MACROH2A2: variants seen among roughly 807,000 people sequenced by gnomAD.
MACROH2A2 encodes the protein macroH2A.2 histone.
A neutral mutation model predicts 37.6 loss-of-function variants in MACROH2A2; 6 were observed. That is an observed-to-expected ratio of 0.16 (90% CI 0.09 to 0.32). The LOEUF (loss-of-function observed/expected upper bound fraction) is 0.32, where lower values mean the gene tolerates loss of function less well. Ranked by LOEUF, MACROH2A2 falls within the 10% of genes least tolerant of loss-of-function variation. The pLI is 1.00. For synonymous variants in MACROH2A2, 192 were observed against 202.7 expected (o/e 0.95, Z 0.45); for missense variants, 290 against 485.9 (o/e 0.60, Z 3.79).
At chr10:70,085,184 GGATGGA>G (rs910158939) in intron 2 of MACROH2A2, among the ~76,000 whole-genome samples, 83 of 152,156 alleles carry the variant, frequency 5.5e-4, no homozygotes, top group Non-Finnish European at 1.8e-4. Context: ...AGCCATGTGT[GGATGGA>G]GATACCAGTT....
chr10:70,104,631 C>T (rs539256386), intron 7 of MACROH2A2, among the ~76,000 whole-genome samples: 5 of 152,258 alleles, frequency 3.3e-5, no homozygotes, highest in South Asian at 4.2e-4. Context: ...GCCGAGATCA[C>T]GCTATTGCAC....
At chr10:70,069,148 A>G (rs1306247228) in intron 1 of MACROH2A2, among the ~76,000 whole-genome samples, 1 of 152,202 alleles carries the variant, frequency 6.6e-6, no homozygotes, top group Non-Finnish European at 1.5e-5. Flanking sequence ...ACCCGGTGTT[A>G]TATATAAAAT....
chr10:70,097,831 A>C (rs2072283987), intron 6 of MACROH2A2, among the ~76,000 whole-genome samples: 1 of 152,218 alleles, frequency 6.6e-6, no homozygotes, highest in South Asian at 2.1e-4. Flanking sequence ...TGTTTAAGCC[A>C]GGCACAGTGG....
Position 70,091,834 on chromosome 10 carries a change from G to A in MACROH2A2, c.357G>A (p.Gly119=). ...IHPELLAKKR[G]TKGKSETILS... is the part of the protein sequence containing the mutation. ...CCGAACTGCTGGCCAAAAAGCGAGGGACCAAAGGCAAGTCGGAAACGATCC... is the reference window on the plus strand; with the variant it reads ...CCGAACTGCTGGCCAAAAAGCGAGGAACCAAAGGCAAGTCGGAAACGATCC... Residue 119 remains glycine, a synonymous_variant, in exon 4 of 9, where the codon GGG becomes GGA. Transcript: ENST00000373255. The A allele has an allele frequency of 1.9e-6, 3 of 1,614,086 alleles. No homozygotes were observed. The highest frequency in any genetic ancestry group is 2.5e-6 in the Non-Finnish European group (3 of 1,180,000).
In MACROH2A2 at chr10:70,091,842, G is replaced by C. The variant is rs766864817; in HGVS notation, c.365G>C (p.Gly122Ala). 2.5e-6 allele frequency: 4 copies of C among 1,614,090 alleles called. No individual in the cohort carries two copies. The highest frequency in any genetic ancestry group is 3.4e-6 in the Non-Finnish European group (4 of 1,179,996). The change falls in exon 4 of 9, where the codon GGC (glycine) becomes GCC (alanine). Residue 122 changes from glycine (G) to alanine (A), a missense_variant. Coordinates refer to ENST00000373255, the MANE Select transcript of MACROH2A2 (RefSeq NM_018649.3). ...CTGGCCAAAAAGCGAGGGACCAAAG[G>C]CAAGTCGGAAACGATCCTCTCCCCA... ...ELLAKKRGTK[G>A]KSETILSPPP...
At position 70,111,704 on chromosome 10, in the gene MACROH2A2, G is replaced by T; in HGVS notation, c.*21G>T. ...AGTAGCCGCCGCACTTTCCAGCAGGGATCGGAGGACGACCCGAGTCCCAAG... is the reference window on the plus strand; with the variant it reads ...AGTAGCCGCCGCACTTTCCAGCAGGTATCGGAGGACGACCCGAGTCCCAAG... On this transcript the variant is annotated 3_prime_UTR_variant, in exon 9 of 9. Coordinates refer to ENST00000373255, the MANE Select transcript of MACROH2A2 (RefSeq NM_018649.3). 2.5e-6 allele frequency: 4 copies of T among 1,568,988 alleles called. No individual in the cohort carries two copies. In the South Asian group the frequency reaches 4.6e-5, roughly 18 times the overall value.
rs1280741264 is a variant in MACROH2A2 at position 70,109,230 on chromosome 10, T to C, written c.953+23T>C. 5 of 1,602,498 alleles carry C rather than the reference T, an allele frequency of 3.1e-6. No individual in the cohort carries two copies. In the African/African-American group the frequency reaches 5.4e-5, roughly 17 times the overall value. On this transcript the variant is annotated intron_variant, in intron 8 of 8. Transcript: ENST00000373255. ...CAGGTAAGATGCAGTTCCCCTGAGT[T>C]GATTCCTCCGGCTTTTTCCCTGGAA...
intron 2 of MACROH2A2, among the ~76,000 whole-genome samples, chr10:70,081,860 G>A (rs1194034440): frequency 1.3e-5 from 2 of 152,156 alleles, no homozygotes; most frequent in East Asian, 1.9e-4. Context: ...TGGATGGTTT[G>A]TAACACCAAG....
At chr10:70,100,109 C>G (rs2072298022) in intron 6 of MACROH2A2, 99 bp from the exon 7 acceptor site, 5 of 636,198 alleles carry the variant, frequency 7.9e-6, no homozygotes, top group Non-Finnish European at 1.4e-5. Flanking sequence ...TAGTTTCTAA[C>G]AGTGCTTTTG....
chr10:70,069,483 T>A (rs1417311545), intron 1 of MACROH2A2, among the ~76,000 whole-genome samples: 1 of 152,126 alleles, frequency 6.6e-6, no homozygotes, highest in Non-Finnish European at 1.5e-5. Flanking sequence ...GTTTGTCTGG[T>A]TTCCTCTATA....
chr10:70,097,369 G>A (rs1040262874), intron 6 of MACROH2A2, among the ~76,000 whole-genome samples: 2 of 152,166 alleles, frequency 1.3e-5, no homozygotes, highest in African/African-American at 4.8e-5. Context: ...TTAGCACAGT[G>A]CTGGGCTCCT....
intron 7 of MACROH2A2, among the ~76,000 whole-genome samples, chr10:70,108,055 TA>T (rs904642517): frequency 6.6e-6 from 1 of 151,804 alleles, no homozygotes; most frequent in African/African-American, 2.4e-5. Context: ...CTCATCTCTA[TA>T]AAAAAATTTT....
rs759959228 is a variant in MACROH2A2 at position 70,111,705 on chromosome 10, A to T, written c.*22A>T. On this transcript the variant is annotated 3_prime_UTR_variant, in exon 9 of 9. Transcript: ENST00000373255. ...GTAGCCGCCGCACTTTCCAGCAGGG[A>T]TCGGAGGACGACCCGAGTCCCAAGA... 7 of 1,567,034 alleles carry T rather than the reference A, an allele frequency of 4.5e-6. No individual in the cohort carries two copies. The highest frequency in any genetic ancestry group is 5.2e-6 in the Non-Finnish European group (6 of 1,152,556).
chr10:70,109,790 T>C (rs142952249), intron 8 of MACROH2A2, among the ~76,000 whole-genome samples: 81 of 152,264 alleles, frequency 5.3e-4, no homozygotes, highest in African/African-American at 1.5e-3. Flanking sequence ...CCCCGAGTGA[T>C]TGCTGAAAAG....
At chr10:70,058,846 G>A (rs1282379473) in intron 1 of MACROH2A2, among the ~76,000 whole-genome samples, 3 of 152,110 alleles carry the variant, frequency 2.0e-5, no homozygotes, top group Non-Finnish European at 1.5e-5. Flanking sequence ...CTTCCAAATT[G>A]AGCTTTCTTG....
At position 70,075,736 on chromosome 10, in the gene MACROH2A2, G is replaced by A; in HGVS notation, c.78G>A (p.Gly26=). 6.2e-7 allele frequency: 1 copy of A among 1,614,126 alleles called. No homozygotes were observed. Among genetic ancestry groups the A allele is most frequent in the South Asian group, 1.1e-5 (1 of 91,076 alleles). ...GGGCAGGTGTCATCTTTCCAGTGGG[G>A]AGGCTGATGCGTTATCTGAAGAAAG... ...SARAGVIFPV[G]RLMRYLKKGT... The change falls in exon 2 of 9, where the codon GGG becomes GGA. Residue 26 remains glycine (G), a synonymous_variant. Transcript: ENST00000373255. This position sits in a 1 kb window ranked among gnomAD's most constrained non-coding sequence, Gnocchi z 5.0.
chr10:70,061,568 AG>A (rs2136616538), intron 1 of MACROH2A2, among the ~76,000 whole-genome samples: 1 of 152,344 alleles, frequency 6.6e-6, no homozygotes, highest in East Asian at 1.9e-4. Flanking sequence ...CTGCAGTAGC[AG>A]CAGATATCCT....
intron 1 of MACROH2A2, among the ~76,000 whole-genome samples, chr10:70,073,570 A>C (rs1055930931): frequency 4.1e-4 from 63 of 152,206 alleles, no homozygotes; most frequent in African/African-American, 1.5e-3. Context: ...TAGTAAGTAC[A>C]TATGAGCATT....
chr10:70,090,317 G>A (rs41277964), intron 3 of MACROH2A2, 151 bp downstream of exon 3: 22,053 of 606,800 alleles, frequency 0.036, 577 homozygotes, highest in African/African-American at 0.085. Context: ...AATTCTGCTA[G>A]CTCTTATCAT....
Sources: gnomAD v4.1 joint callset for allele counts (sites outside exome capture counted in the v4.1 genomes callset) on GRCh38, gnomAD v4.1.1 for gene constraint, Gnocchi (gnomAD v3.1) non-coding constraint, MANE v1.5 for transcripts, NCBI Gene and HGNC (gene_info 2026-07-23, HGNC 2026-07-21) for gene names.